The following GTF2E1 variants were observed in gnomAD, a reference collection of about 807,000 sequenced individuals.
GTF2E1 encodes TFIIE alpha subunit.
GTF2E1 carries 14 observed loss-of-function variants against 34.9 expected under a neutral mutation model. The ratio of observed to expected loss-of-function variants is 0.40; its 90% CI spans 0.27 to 0.63. GTF2E1 has a LOEUF of 0.63. Ranked by LOEUF, GTF2E1 falls within the 20% of genes least tolerant of loss-of-function variation. GTF2E1 has a pLI of 0.39. For synonymous variants in GTF2E1, 188 were observed against 192.9 expected, an observed-to-expected ratio of 0.97 and a Z score of 0.21; for missense variants, 469 against 557.7, an observed-to-expected ratio of 0.84 and a Z score of 1.60.
chr3:120,779,664 C>G (rs780739211), intron 4 of GTF2E1, among the ~76,000 whole-genome samples: 1 of 152,212 alleles, frequency 6.6e-6, no homozygotes, highest in Non-Finnish European at 1.5e-5. Context: ...ATTTCTGAGT[C>G]TTCTCTTGAT....
chr3:120,768,072 G>A (rs1709323437), intron 2 of GTF2E1, among the ~76,000 whole-genome samples: 1 of 152,040 alleles, frequency 6.6e-6, no homozygotes, highest in Admixed American at 6.6e-5. Context: ...GGGGTATTTG[G>A]GAGGACATTT....
chr3:120,774,195 A>G (rs567075315), intron 3 of GTF2E1, among the ~76,000 whole-genome samples: 2 of 152,230 alleles, frequency 1.3e-5, no homozygotes, highest in African/African-American at 4.8e-5. Context: ...TCAGGGAGAA[A>G]CATTTTGGGG....
intron 2 of GTF2E1, among the ~76,000 whole-genome samples, chr3:120,764,519 G>T (rs995528403): frequency 6.6e-6 from 1 of 152,196 alleles, no homozygotes; most frequent in East Asian, 1.9e-4. Context: ...TGGGAAAAAT[G>T]ACTGAATAAT....
chr3:120,749,576 A>G (rs1392720664), intron 1 of GTF2E1, among the ~76,000 whole-genome samples: 1 of 152,108 alleles, frequency 6.6e-6, no homozygotes, highest in Non-Finnish European at 1.5e-5. Flanking sequence ...GCGTATATTG[A>G]ACCAGCCTTG....
At chr3:120,768,150 A>G (rs2107610922) in intron 2 of GTF2E1, among the ~76,000 whole-genome samples, 1 of 152,334 alleles carries the variant, frequency 6.6e-6, no homozygotes, top group South Asian at 2.1e-4. Flanking sequence ...ATGTTGGATA[A>G]TGATAATGCT....
intron 1 of GTF2E1, among the ~76,000 whole-genome samples, chr3:120,745,581 C>T (rs1041520218): frequency 6.6e-6 from 1 of 152,116 alleles, no homozygotes; most frequent in East Asian, 1.9e-4. Context: ...AAAACGTTCC[C>T]TAGATGATTC....
chr3:120,781,527 T>A lies in GTF2E1; in HGVS notation c.*57T>A. On this transcript the variant is annotated 3_prime_UTR_variant, in exon 5 of 5. Transcript: ENST00000283875. ...GCTCAGTTCAAAAAGGAATGTCTCA[T>A]CTTTGAAGAAAAGTATTTAAGTGGC... The A allele has an allele frequency of 1.5e-6, 2 of 1,372,112 alleles. No homozygotes were observed. Among genetic ancestry groups the A allele is most frequent in the Middle Eastern group, 1.8e-4 (1 of 5,448 alleles). 85.0% of individuals were successfully genotyped at this position (1,372,112 alleles called of 1,614,324 possible).
intron 3 of GTF2E1, among the ~76,000 whole-genome samples, chr3:120,771,463 G>A (rs1444435193): frequency 6.6e-6 from 1 of 152,028 alleles, no homozygotes; most frequent in Non-Finnish European, 1.5e-5. Flanking sequence ...GAATTTCAGA[G>A]GTAACCTTAG....
At chr3:120,761,107 G>T (rs1576359124) in intron 2 of GTF2E1, among the ~76,000 whole-genome samples, 1 of 152,054 alleles carries the variant, frequency 6.6e-6, no homozygotes, top group African/African-American at 2.4e-5. Context: ...GCCTGTTATT[G>T]GTCTATTCAG....
Position 120,781,427 on chromosome 3 carries a change from A to T in GTF2E1, c.1277A>T (p.Tyr426Phe). Residue 426 changes from tyrosine to phenylalanine, a missense_variant, in exon 5 of 5, where the codon TAT becomes TTT. Transcript: ENST00000283875. ...ATGACACCAGAAGAAAAGGAAGCAT[A>T]TATAGCAATGGGACAACGCATGTTT... ...AQMTPEEKEA[Y>F]IAMGQRMFED... The T allele has an allele frequency of 3.7e-6, 6 of 1,614,130 alleles. No homozygotes were observed. The highest frequency in any genetic ancestry group is 5.1e-6 in the Non-Finnish European group (6 of 1,179,966).
At chr3:120,752,811 T>C (rs1709176780) in intron 2 of GTF2E1, among the ~76,000 whole-genome samples, 1 of 152,178 alleles carries the variant, frequency 6.6e-6, no homozygotes, top group Non-Finnish European at 1.5e-5. Flanking sequence ...ATGTGAGGGC[T>C]ATGGTCAGCA....
At chr3:120,772,918 G>A (rs946326004) in intron 3 of GTF2E1, among the ~76,000 whole-genome samples, 2 of 152,066 alleles carry the variant, frequency 1.3e-5, no homozygotes, top group East Asian at 3.9e-4. Flanking sequence ...GACACCAGAG[G>A]CCCAACAGCA....
intron 2 of GTF2E1, among the ~76,000 whole-genome samples, chr3:120,757,704 A>G (rs887774296): frequency 6.6e-6 from 1 of 152,194 alleles, no homozygotes; most frequent in African/African-American, 2.4e-5. Context: ...TTTAATAGAT[A>G]TTCCCCCGAA....
In GTF2E1 at chr3:120,781,282, G is replaced by A. The variant is rs762273351; in HGVS notation, c.1132G>A (p.Glu378Lys). 1.2e-6 allele frequency: 2 copies of A among 1,614,168 alleles called. No homozygotes were observed. The highest frequency in any genetic ancestry group is 1.7e-5 in the Admixed American group (1 of 60,026). Residue 378 changes from glutamate (E) to lysine (K), a missense_variant, in exon 5 of 5, where the codon GAA becomes AAA. Glu to Lys is a moderately conservative substitution (Grantham distance 56). Transcript: ENST00000283875. ...RPAAVAVHKR[E>K]EDEEEDDEFE... ...GGCAGCTGTGGCTGTGCATAAACGA[G>A]AAGAGGATGAAGAGGAAGATGACGA...
At chr3:120,752,398 T>C (rs1328239179) in intron 2 of GTF2E1, among the ~76,000 whole-genome samples, 1 of 152,216 alleles carries the variant, frequency 6.6e-6, no homozygotes, top group Non-Finnish European at 1.5e-5. Context: ...TTTGTAATTC[T>C]CTACAGATGT....
chr3:120,755,917 C>T (rs1051708626), intron 2 of GTF2E1, among the ~76,000 whole-genome samples: 3 of 152,106 alleles, frequency 2.0e-5, no homozygotes, highest in Non-Finnish European at 2.9e-5. Context: ...TTTCCAGTTC[C>T]GTCTATGTTG....
intron 1 of GTF2E1, among the ~76,000 whole-genome samples, chr3:120,749,465 A>C (rs1373188960): frequency 2.0e-5 from 3 of 152,116 alleles, no homozygotes; most frequent in South Asian, 2.1e-4. Context: ...TAGCATGAAG[A>C]GTTGTTGAAT....
rs1017777315 is a variant in GTF2E1, at chr3:120,781,609, A to G, written c.*139A>G. On this transcript the variant is annotated 3_prime_UTR_variant, in exon 5 of 5. Coordinates refer to ENST00000283875, the MANE Select transcript of GTF2E1 (RefSeq NM_005513.3). ...ATCCTTGTGCAAAGATTGATGGTAG[A>G]GAGTTTGACTTTTATGCCAGAAACT... 17 of 679,190 alleles carry G rather than the reference A, an allele frequency of 2.5e-5. No individual in the cohort carries two copies. Among genetic ancestry groups the G allele is most frequent in the Non-Finnish European group, 4.0e-5 (16 of 402,820 alleles). 42.1% of individuals were successfully genotyped at this position (679,190 alleles called of 1,614,324 possible).
chr3:120,772,091 A>T (rs1709356487), intron 3 of GTF2E1, among the ~76,000 whole-genome samples: 1 of 152,154 alleles, frequency 6.6e-6, no homozygotes, highest in South Asian at 2.1e-4. Flanking sequence ...TAATATGGCC[A>T]TGTATTTCTA....
Sources: gnomAD v4.1 joint callset for allele counts (sites outside exome capture counted in the v4.1 genomes callset) on GRCh38, gnomAD v4.1.1 for gene constraint, MANE v1.5 for transcripts, NCBI Gene and HGNC (gene_info 2026-07-23, HGNC 2026-07-21) for gene names.